The following SMOC1 variants were observed in gnomAD, a reference collection of about 807,000 sequenced individuals.
SMOC1 encodes the protein SPARC related modular calcium binding 1, also known as SPARC-related modular calcium-binding protein 1.
SMOC1 carries 22 observed loss-of-function variants against 56.3 expected under a neutral mutation model. The observed-to-expected ratio is 0.39, with a 90% CI of 0.28 to 0.56. SMOC1 has a LOEUF of 0.56. Among genes scored for constraint, SMOC1 ranks in the 20% least tolerant of loss-of-function variants. The pLI, the probability that SMOC1 is intolerant of heterozygous loss-of-function variation, is 0.61. For synonymous variants in SMOC1, 193 were observed against 215.0 expected, an observed-to-expected ratio of 0.90 and a Z score of 0.89; for missense variants, 509 against 565.4, an observed-to-expected ratio of 0.90 and a Z score of 1.01.
intron 9 of SMOC1, 75 bp downstream of exon 9, chr14:70,011,642 T>A: frequency 7.3e-7 from 1 of 1,369,390 alleles, no homozygotes; most frequent in Non-Finnish European, 1.0e-6. Flanking sequence ...CAGAAGAAGC[T>A]GTCTCCTCTT....
chr14:69,917,414 T>C (rs554890078), intron 1 of SMOC1, among the ~76,000 whole-genome samples: 25 of 152,326 alleles, frequency 1.6e-4, no homozygotes, highest in African/African-American at 6.0e-4. Flanking sequence ...TTCTAGAATT[T>C]CACGTGGACA....
intron 1 of SMOC1, among the ~76,000 whole-genome samples, chr14:69,932,476 G>A (rs1007587909): frequency 4.6e-5 from 7 of 152,314 alleles, no homozygotes; most frequent in Admixed American, 1.3e-4. Context: ...GAACAAAGCC[G>A]CCACAAAGGC....
At chr14:69,992,291 T>G in intron 5 of SMOC1, 126 bp from the exon 6 acceptor site, 1 of 818,480 alleles carries the variant, frequency 1.2e-6, no homozygotes, top group South Asian at 1.5e-5. Context: ...TCTTTTTCTT[T>G]GTTCTCTTCA....
rs773979323 is a variant in SMOC1, at chr14:70,013,390, T to C, written c.945T>C (p.Cys315=). 6.2e-7 allele frequency: 1 copy of C among 1,613,860 alleles called. No homozygotes were observed. The highest frequency in any genetic ancestry group is 8.5e-7 in the Non-Finnish European group (1 of 1,179,736). ...DPFKDRELPG[C]PEGKKMEFIT... is the part of the protein sequence containing the mutation. Reference sequence around the variant, plus strand: ...AAATCTCATTTTATCTTTTAGGCTGTCCAGAAGGGAAGAAAATGGAGTTTA... The same window carrying C: ...AAATCTCATTTTATCTTTTAGGCTGCCCAGAAGGGAAGAAAATGGAGTTTA... The change falls in exon 10 of 12, where the codon TGT becomes TGC. Residue 315 remains cysteine, a synonymous_variant. Transcript: ENST00000361956.
intron 5 of SMOC1, among the ~76,000 whole-genome samples, chr14:69,984,119 T>C (rs61977394): frequency 0.058 from 8,832 of 152,128 alleles, 343 homozygotes; most frequent in Non-Finnish European, 0.086. Flanking sequence ...ATTTGTGGAG[T>C]AACAGATGCA....
chr14:69,949,593 C>G (rs764104757), intron 1 of SMOC1, among the ~76,000 whole-genome samples: 11 of 152,168 alleles, frequency 7.2e-5, no homozygotes, highest in Non-Finnish European at 1.3e-4. Context: ...CTGGGAGAGT[C>G]AGGGAGAACC....
chr14:70,020,128 G>A (rs966209990), intron 10 of SMOC1, among the ~76,000 whole-genome samples: 4 of 146,512 alleles, frequency 2.7e-5, no homozygotes, highest in African/African-American at 9.8e-5. Flanking sequence ...TAGATCAAGG[G>A]TTTTGTTTTG....
chr14:69,955,590 A>G (rs544676207), intron 3 of SMOC1, among the ~76,000 whole-genome samples: 14 of 152,258 alleles, frequency 9.2e-5, no homozygotes, highest in African/African-American at 2.6e-4. Flanking sequence ...CATAAATAAT[A>G]TATAAATTTT....
chr14:69,939,374 G>A (rs1189015055), intron 1 of SMOC1, among the ~76,000 whole-genome samples: 2 of 152,166 alleles, frequency 1.3e-5, no homozygotes, highest in African/African-American at 4.8e-5. Flanking sequence ...AGAACAGCAT[G>A]GGAAAAAACC....
chr14:69,985,548 T>C (rs1884335495), intron 5 of SMOC1, among the ~76,000 whole-genome samples: 1 of 152,200 alleles, frequency 6.6e-6, no homozygotes, highest in African/African-American at 2.4e-5. Flanking sequence ...AGTACTGCCC[T>C]ACCCACGGCC....
At chr14:69,941,852 A>G (rs1177767732) in intron 1 of SMOC1, among the ~76,000 whole-genome samples, 4 of 152,040 alleles carry the variant, frequency 2.6e-5, no homozygotes, top group Non-Finnish European at 5.9e-5. Context: ...ATCTTTTAAG[A>G]CCCAGTTTAT....
intron 1 of SMOC1, among the ~76,000 whole-genome samples, chr14:69,903,149 C>A (rs1181063323): frequency 3.3e-5 from 5 of 151,880 alleles, no homozygotes; most frequent in African/African-American, 9.7e-5. Context: ...CTCTTCCTGG[C>A]CGCCATCCCG....
At position 69,895,486 on chromosome 14, in the gene SMOC1, T is replaced by C. The variant is rs116404591; in HGVS notation, c.99+15709T>C. Among the ~76,000 whole-genome samples, 811 of 152,324 alleles carry C rather than the reference T, an allele frequency of 5.3e-3. 2 individuals carry two copies. The highest frequency in any genetic ancestry group is 0.016 in the African/African-American group (680 of 41,574). ...AGCATGTTTGATCTGAAGGTCGACA[T>C]GATAGTTTCCTAGGTGGGTTTTAAA... On this transcript the variant is annotated intron_variant, in intron 1 of 11. Transcript: ENST00000361956.
chr14:69,965,404 T>TAATAATAATAATAATAAAA (rs761154559), intron 3 of SMOC1, among the ~76,000 whole-genome samples: 3 of 149,400 alleles, frequency 2.0e-5, no homozygotes, highest in South Asian at 2.1e-4. Flanking sequence ...ATAATAATAA[T>TAATAATAATAATAATAAAA]AAAAAGATGA....
At chr14:69,978,957 G>A (rs1884077460) in intron 5 of SMOC1, among the ~76,000 whole-genome samples, 2 of 151,912 alleles carry the variant, frequency 1.3e-5, no homozygotes, top group African/African-American at 4.8e-5. Flanking sequence ...GACAGCATAT[G>A]TGCAGAGCTG....
chr14:69,938,326 T>A (rs1022883176), intron 1 of SMOC1, among the ~76,000 whole-genome samples: 3 of 152,188 alleles, frequency 2.0e-5, no homozygotes, highest in Non-Finnish European at 4.4e-5. Flanking sequence ...ATGTTGAGGC[T>A]GTTTTGGGCC....
chr14:69,925,827 C>T (rs1214700371), intron 1 of SMOC1, among the ~76,000 whole-genome samples: 3 of 152,148 alleles, frequency 2.0e-5, no homozygotes, highest in Non-Finnish European at 2.9e-5. Context: ...TGTTCTTTTT[C>T]CAATTTTCTT....
intron 1 of SMOC1, among the ~76,000 whole-genome samples, chr14:69,920,273 C>A (rs1187689432): frequency 6.6e-6 from 1 of 152,078 alleles, no homozygotes; most frequent in Admixed American, 6.5e-5. Flanking sequence ...ATGAGTGAAC[C>A]CCAAAATGTG....
chr14:69,897,232 C>T (rs1050650865), intron 1 of SMOC1, among the ~76,000 whole-genome samples: 16 of 152,270 alleles, frequency 1.1e-4, no homozygotes, highest in African/African-American at 2.9e-4. Flanking sequence ...CACACCATCC[C>T]GCCAGGTCTC....
Sources: allele counts gnomAD v4.1 joint callset (sites outside exome capture counted in the v4.1 genomes callset), GRCh38; gene constraint gnomAD v4.1.1; transcripts MANE v1.5; gene names NCBI Gene and HGNC (gene_info 2026-07-23, HGNC 2026-07-21).